MTHFD2: variants seen among roughly 807,000 people sequenced by gnomAD.
MTHFD2 encodes the protein methylenetetrahydrofolate dehydrogenase (NADP+ dependent) 2, methenyltetrahydrofolate cyclohydrolase.
MTHFD2 carries 26 observed loss-of-function variants against 36.8 expected under a neutral mutation model. The ratio of observed to expected loss-of-function variants is 0.71; its 90% CI spans 0.52 to 0.98. MTHFD2 has a LOEUF of 0.98. Ranked by LOEUF, MTHFD2 falls within the 50% of genes least tolerant of loss-of-function variation. The pLI is 0.00. For synonymous variants in MTHFD2, 164 were observed against 155.2 expected (o/e 1.06, Z -0.42); for missense variants, 373 against 434.0 (o/e 0.86, Z 1.25).
chr2:74,199,127 G>T (rs1029015048), intron 1 of MTHFD2, among the ~76,000 whole-genome samples: 6 of 152,224 alleles, frequency 3.9e-5, no homozygotes, highest in Non-Finnish European at 7.3e-5. Context: ...GAGTCGTCTG[G>T]GGGAGAACAG....
In MTHFD2 at chr2:74,208,693, G is replaced by A; in HGVS notation, c.534G>A (p.Trp178Ter). 1 of 1,614,082 alleles carries A rather than the reference G, an allele frequency of 6.2e-7. No individual in the cohort carries two copies. Among genetic ancestry groups the A allele is most frequent in the African/African-American group, 1.3e-5 (1 of 75,024 alleles). ...ATTCCATGTTACCGGCTACTCCATG[G>A]GGTGTGTGGGAAATAATCAAGCGAA... ...DQYSMLPATPWGVWEIIKRTG... is the reference protein window; with the variant it reads ...DQYSMLPATP The change falls in exon 4 of 8, where the codon TGG (tryptophan) becomes TGA (stop). Residue 178 changes from tryptophan to a stop codon, truncating the protein, a stop_gained. Transcript: ENST00000394053. LOFTEE classifies it high-confidence loss of function.
Position 74,214,155 on chromosome 2 carries a change from G to C in MTHFD2, c.966G>C (p.Lys322Asn), listed in dbSNP as rs773095561. ...VGPMTVAMLM[K>N]NTIIAAKKVL... ...CCATGACAGTGGCAATGCTAATGAA[G>C]AATACCATTATTGCTGCAAAAAAGG... Residue 322 changes from lysine (K) to asparagine (N), a missense_variant, in exon 8 of 8, where the codon AAG becomes AAC. Around this residue, in one of 2 missense-constraint regions of MTHFD2, gnomAD observed 308 missense variants for 397.8 expected, o/e 0.77. Coordinates refer to ENST00000394053, the MANE Select transcript of MTHFD2 (RefSeq NM_006636.4). 1.2e-6 allele frequency: 2 copies of C among 1,614,108 alleles called. No homozygotes were observed. Among genetic ancestry groups the C allele is most frequent in the Non-Finnish European group, 1.7e-6 (2 of 1,179,978 alleles).
intron 1 of MTHFD2, among the ~76,000 whole-genome samples, chr2:74,205,223 G>T (rs141828620): frequency 2.0e-5 from 3 of 152,166 alleles, no homozygotes; most frequent in Non-Finnish European, 4.4e-5. Context: ...TACATGCCTG[G>T]CTGCTAACAA....
chr2:74,211,157 G>C, intron 5 of MTHFD2, 42 bp from the exon 6 acceptor site: 1 of 1,318,832 alleles, frequency 7.6e-7, no homozygotes, highest in Non-Finnish European at 1.1e-6. Context: ...TCCAATCCCA[G>C]CTTTGTGTCA....
At position 74,215,499 on chromosome 2, in the gene MTHFD2, A is replaced by G. The variant is rs1338986378; in HGVS notation, c.*1257A>G. 5 of 151,274 alleles carry G rather than the reference A, an allele frequency of 3.3e-5. No individual in the cohort carries two copies. The highest frequency in any genetic ancestry group is 2.0e-4 in the Admixed American group (3 of 15,154). 9.4% of individuals were successfully genotyped at this position (151,274 alleles called of 1,614,324 possible). A position where few individuals can be genotyped will look rare whatever the true frequency, so the allele number is the denominator to read the frequency against. ...GGTATTGAACTCCTGGCCTCAAGCA[A>G]TCAATCCTCTTGCCTCAGCTTCCCA... is the stretch of plus-strand genomic sequence containing the variant. On this transcript the variant is annotated 3_prime_UTR_variant, in exon 8 of 8. Transcript: ENST00000394053.
chr2:74,210,067 A>G lies in MTHFD2; in HGVS notation c.670+18A>G, dbSNP rs780118260. On this transcript the variant is annotated intron_variant, in intron 5 of 7. Transcript: ENST00000394053. ...TCCCGGAGGTAAGGAAATTGCTTTC[A>G]GGGAACACTGTCCTTTTTTCCCCAT... The G allele has an allele frequency of 6.9e-6, 11 of 1,598,456 alleles. No homozygotes were observed. Among genetic ancestry groups the G allele is most frequent in the African/African-American group, 1.3e-5 (1 of 74,536 alleles).
rs1182226784 is a variant in MTHFD2, at chr2:74,201,949, CTTTCT to C, written c.101+3216_101+3220del. ...TTCTTGTTACTCTTTGACTGTTTTT[CTTTCT>C]TTTCTTTTTTTTTTTTTAAGCAAAT... On this transcript the variant is annotated intron_variant, in intron 1 of 7. Transcript: ENST00000394053. Among the ~76,000 whole-genome samples, 5 of 149,552 alleles carry C rather than the reference CTTTCT, an allele frequency of 3.3e-5. No homozygotes were observed. In the South Asian group the frequency reaches 8.4e-4, roughly 25 times the overall value.
At chr2:74,207,620 A>T in intron 2 of MTHFD2, 84 bp from the exon 3 acceptor site, 2 of 1,336,308 alleles carry the variant, frequency 1.5e-6, no homozygotes, top group East Asian at 4.7e-5. Flanking sequence ...CAAAACCCGT[A>T]TGGTAGCCAA....
intron 1 of MTHFD2, among the ~76,000 whole-genome samples, chr2:74,199,584 G>A (rs899399942): frequency 6.6e-6 from 1 of 152,056 alleles, no homozygotes; most frequent in Non-Finnish European, 1.5e-5. Flanking sequence ...AAGATGGGCC[G>A]GGCGTGGTGA....
chr2:74,213,013 T>C (rs1367360446), intron 7 of MTHFD2, among the ~76,000 whole-genome samples: 1 of 152,036 alleles, frequency 6.6e-6, no homozygotes, highest in East Asian at 1.9e-4. Flanking sequence ...CAAGTGATTC[T>C]TCTGCCTTAG....
intron 3 of MTHFD2, among the ~76,000 whole-genome samples, chr2:74,208,142 C>T (rs1477910269): frequency 6.6e-6 from 1 of 152,174 alleles, no homozygotes; most frequent in Non-Finnish European, 1.5e-5. Context: ...CTCTGTGCTT[C>T]CCAAAGTGCT....
In MTHFD2 at chr2:74,208,549, T is replaced by A; in HGVS notation, c.410-20T>A. 1 of 1,612,230 alleles carries A rather than the reference T, an allele frequency of 6.2e-7. No individual in the cohort carries two copies. Among genetic ancestry groups the A allele is most frequent in the Non-Finnish European group, 8.5e-7 (1 of 1,178,708 alleles). On this transcript the variant is annotated intron_variant, in intron 3 of 7. Coordinates refer to ENST00000394053, the MANE Select transcript of MTHFD2 (RefSeq NM_006636.4). ...CTATGCGGTGGTGATTTAAGGCAAC[T>A]GTGCCAATTTCTTTTTCAGAGCATA...
At chr2:74,213,019 C>T (rs1471621307) in intron 7 of MTHFD2, among the ~76,000 whole-genome samples, 1 of 151,842 alleles carries the variant, frequency 6.6e-6, no homozygotes, top group East Asian at 1.9e-4. Flanking sequence ...ATTCTTCTGC[C>T]TTAGCCACCC....
rs1168093406 is a variant in MTHFD2 at position 74,215,206 on chromosome 2, G to A, written c.*964G>A. ...TTCCAGAAATTTTTTAAGAGTTTGA[G>A]TTACTATTGAATTTAATCAGACTTT... On this transcript the variant is annotated 3_prime_UTR_variant, in exon 8 of 8. Transcript: ENST00000394053. 6.6e-6 allele frequency: 1 copy of A among 152,454 alleles called. No individual in the cohort carries two copies. Among genetic ancestry groups the A allele is most frequent in the East Asian group, 1.9e-4 (1 of 5,196 alleles). 9.4% of individuals were successfully genotyped at this position (152,454 alleles called of 1,614,324 possible).
At chr2:74,203,194 C>T (rs749690421) in intron 1 of MTHFD2, among the ~76,000 whole-genome samples, 3 of 151,992 alleles carry the variant, frequency 2.0e-5, no homozygotes, top group African/African-American at 7.2e-5. Flanking sequence ...TTAGTAGAGG[C>T]GGGGTTTTGC....
chr2:74,213,483 C>T (rs1572991357), intron 7 of MTHFD2, among the ~76,000 whole-genome samples: 1 of 151,380 alleles, frequency 6.6e-6, no homozygotes, highest in South Asian at 2.1e-4. Context: ...CACCATGTTG[C>T]CCAGGCTGGT....
rs749230067 is a variant in MTHFD2 at position 74,208,584 on chromosome 2, G to A, written c.425G>A (p.Arg142Lys). 3 of 1,614,148 alleles carry A rather than the reference G, an allele frequency of 1.9e-6. No homozygotes were observed. Among genetic ancestry groups the A allele is most frequent in the Middle Eastern group, 1.6e-4 (1 of 6,062 alleles). The change falls in exon 4 of 8, where the codon AGA (arginine) becomes AAA (lysine). Residue 142 changes from arginine to lysine, a missense_variant. Physicochemically the swap from Arg to Lys is conservative, Grantham distance 26 (BLOSUM62 2). This residue lies in a region of MTHFD2 where 308 missense variants were observed against 397.8 expected (regional missense o/e 0.77). Transcript: ENST00000394053. The part of the protein sequence containing the change: ...QLPLPEHIDE[R>K]RICNAVSPDK... ...TCTTTTTCAGAGCATATTGATGAGA[G>A]AAGGATCTGCAATGCTGTTTCTCCA...
At chr2:74,208,338 G>T (rs1381321272) in intron 3 of MTHFD2, among the ~76,000 whole-genome samples, 3 of 152,230 alleles carry the variant, frequency 2.0e-5, no homozygotes, top group Non-Finnish European at 4.4e-5. Flanking sequence ...CCTTGATTTA[G>T]TATTGTGGTC....
chr2:74,205,153 T>G (rs1694148128), intron 1 of MTHFD2, among the ~76,000 whole-genome samples: 1 of 152,168 alleles, frequency 6.6e-6, no homozygotes, highest in African/African-American at 2.4e-5. Context: ...CTACAGAATA[T>G]AATTTATCGA....
Sources: allele counts gnomAD v4.1 joint callset (sites outside exome capture counted in the v4.1 genomes callset), GRCh38; gene constraint gnomAD v4.1.1; regional missense constraint gnomAD v4.1.1; transcripts MANE v1.5; gene names NCBI Gene and HGNC (gene_info 2026-07-23, HGNC 2026-07-21).